NALF1: variants seen among roughly 807,000 people sequenced by gnomAD.
The protein encoded by NALF1 is family with sequence similarity 155 member A.
Under a neutral mutation model 48.4 loss-of-function variants are expected in NALF1, and 3 were observed. That is an observed-to-expected ratio of 0.06 (90% CI 0.03 to 0.16). The LOEUF is 0.16. Among genes scored for constraint, NALF1 ranks in the 10% least tolerant of loss-of-function variants. NALF1 has a pLI of 1.00. For synonymous variants in NALF1, 262 were observed against 245.7 expected (o/e 1.07, Z -0.62); for missense variants, 526 against 571.5 (o/e 0.92, Z 0.81).
intron 1 of NALF1, among the ~76,000 whole-genome samples, chr13:107,631,405 T>C (rs1188901736): frequency 3.9e-5 from 6 of 152,168 alleles, no homozygotes; most frequent in Admixed American, 1.3e-4. Flanking sequence ...TAATGAGTCA[T>C]ATATTTTAAA....
At chr13:107,640,347 T>C (rs1880117660) in intron 1 of NALF1, among the ~76,000 whole-genome samples, 1 of 152,188 alleles carries the variant, frequency 6.6e-6, no homozygotes, top group Non-Finnish European at 1.5e-5. Context: ...AGCAAATTTG[T>C]TAGCACTATA....
chr13:107,435,135 G>A (rs957541670), intron 1 of NALF1, among the ~76,000 whole-genome samples: 3 of 151,962 alleles, frequency 2.0e-5, no homozygotes, highest in Middle Eastern at 3.2e-3. Context: ...TTGTAATTTG[G>A]CCTCTATAAG....
Position 107,866,725 on chromosome 13 carries a change from CTCT to C in NALF1, c.-132_-130del, listed in dbSNP as rs1880744995. ...CTCCCGTTTCTTCTCTCTCCTCTCTCTCTTTCTCTCTCTTCCCCTCTCCCTCTC... is the reference window on the plus strand; with the variant it reads ...CTCCCGTTTCTTCTCTCTCCTCTCTCTTCTCTCTCTTCCCCTCTCCCTCTC... On this transcript the variant is annotated 5_prime_UTR_variant, in exon 1 of 3. Coordinates refer to ENST00000375915, the MANE Select transcript of NALF1 (RefSeq NM_001080396.3). The surrounding 1 kb of genome is among the most constrained non-coding windows in gnomAD (Gnocchi z 4.4). 5 of 603,830 alleles carry C rather than the reference CTCT, an allele frequency of 8.3e-6. No homozygotes were observed. Among genetic ancestry groups the C allele is most frequent in the Non-Finnish European group, 1.4e-5 (5 of 346,380 alleles). 37.4% of individuals were successfully genotyped at this position (603,830 alleles called of 1,614,324 possible). A position where few individuals can be genotyped will look rare whatever the true frequency, so the allele number is the denominator to read the frequency against.
chr13:107,311,493 T>C (rs1336577556), intron 1 of NALF1, among the ~76,000 whole-genome samples: 1 of 151,900 alleles, frequency 6.6e-6, no homozygotes, highest in East Asian at 1.9e-4. Context: ...AAGGCTGTTG[T>C]CCATTAGACA....
At chr13:107,448,010 A>G (rs562816315) in intron 1 of NALF1, among the ~76,000 whole-genome samples, 2 of 152,206 alleles carry the variant, frequency 1.3e-5, no homozygotes, top group African/African-American at 4.8e-5. Flanking sequence ...ATACAGGGCA[A>G]CTTTGACCCC....
chr13:107,513,733 A>T (rs1211836632), intron 1 of NALF1, among the ~76,000 whole-genome samples: 3 of 152,208 alleles, frequency 2.0e-5, no homozygotes, highest in African/African-American at 7.2e-5. Context: ...ACATGAAGGG[A>T]TGCAAAACCA....
At chr13:107,456,419 TA>T (rs1489063239) in intron 1 of NALF1, among the ~76,000 whole-genome samples, 1 of 152,228 alleles carries the variant, frequency 6.6e-6, no homozygotes, top group East Asian at 1.9e-4. Context: ...AAGTCATTGC[TA>T]GGGACCAGTA....
intron 1 of NALF1, among the ~76,000 whole-genome samples, chr13:107,416,482 A>C (rs970568976): frequency 2.6e-5 from 4 of 152,120 alleles, no homozygotes; most frequent in Admixed American, 2.6e-4. Context: ...AGGAGGATGA[A>C]GACCTCTATG....
intron 1 of NALF1, among the ~76,000 whole-genome samples, chr13:107,859,630 C>T (rs188972792): frequency 1.8e-4 from 28 of 152,132 alleles, no homozygotes; most frequent in Admixed American, 7.2e-4. Flanking sequence ...TAGGCGGGTG[C>T]GGTGGCTCAT....
chr13:107,857,814 T>C (rs1880474750), intron 1 of NALF1, among the ~76,000 whole-genome samples: 1 of 152,176 alleles, frequency 6.6e-6, no homozygotes, highest in Non-Finnish European at 1.5e-5. Flanking sequence ...ATACAGAAAA[T>C]TTATATGAGA....
At chr13:107,689,141 C>T (rs548644572) in intron 1 of NALF1, among the ~76,000 whole-genome samples, 2 of 152,102 alleles carry the variant, frequency 1.3e-5, no homozygotes, top group African/African-American at 4.8e-5. Context: ...TCACCCTGCC[C>T]GGAGTCACAG....
At chr13:107,498,832 A>AT (rs1006504630) in intron 1 of NALF1, among the ~76,000 whole-genome samples, 3 of 152,136 alleles carry the variant, frequency 2.0e-5, no homozygotes, top group African/African-American at 7.2e-5. Context: ...GCTGAAAGGG[A>AT]TTTTTTCAGG....
intron 1 of NALF1, among the ~76,000 whole-genome samples, chr13:107,250,228 C>T (rs931641801): frequency 2.0e-5 from 3 of 151,956 alleles, no homozygotes; most frequent in Admixed American, 2.0e-4. Context: ...CCAGAAACCA[C>T]ATTATCTGTT....
chr13:107,588,340 G>A, intron 1 of NALF1, among the ~76,000 whole-genome samples: 1 of 152,104 alleles, frequency 6.6e-6, no homozygotes, highest in South Asian at 2.1e-4. Flanking sequence ...GGGTATGTTG[G>A]AGAGTCTGGA....
At chr13:107,224,270 T>C (rs1157450182) in intron 1 of NALF1, among the ~76,000 whole-genome samples, 1 of 151,660 alleles carries the variant, frequency 6.6e-6, no homozygotes, top group East Asian at 1.9e-4. Flanking sequence ...AAAATCAAAT[T>C]AATAAAGCAC....
rs74319042 is a variant in NALF1, at chr13:107,785,842, G to A, written c.915+79840C>T. On this transcript the variant is annotated intron_variant, in intron 1 of 2. Coordinates refer to ENST00000375915, the MANE Select transcript of NALF1 (RefSeq NM_001080396.3). ...ATAATTTTCTGTAATCCTGGTGAAC[G>A]TGTTATCAATCAGGATCTTACAGGC... 9.3e-3 allele frequency among the ~76,000 whole-genome samples: 1,410 copies of A among 152,262 alleles called. 13 individuals carry two copies. The highest frequency in any genetic ancestry group is 0.015 in the Non-Finnish European group (1,051 of 68,024).
At chr13:107,564,459 G>A (rs1022100233) in intron 1 of NALF1, among the ~76,000 whole-genome samples, 8 of 152,100 alleles carry the variant, frequency 5.3e-5, no homozygotes, top group African/African-American at 1.2e-4. Context: ...CACGTAGGTC[G>A]TTTTAAGTGG....
chr13:107,384,324 A>G (rs1224210922), intron 1 of NALF1, among the ~76,000 whole-genome samples: 2 of 152,180 alleles, frequency 1.3e-5, no homozygotes, highest in East Asian at 1.9e-4. Context: ...TAGAACAAGT[A>G]CATCTAACCT....
At chr13:107,299,762 T>C (rs1285690102) in intron 1 of NALF1, among the ~76,000 whole-genome samples, 4 of 152,172 alleles carry the variant, frequency 2.6e-5, no homozygotes, top group Non-Finnish European at 4.4e-5. Flanking sequence ...ATTTTTGTTG[T>C]TGTTCCATGA....
Sources: allele counts gnomAD v4.1 joint callset (sites outside exome capture counted in the v4.1 genomes callset), GRCh38; gene constraint gnomAD v4.1.1; non-coding constraint Gnocchi (gnomAD v3.1); transcripts MANE v1.5; gene names NCBI Gene and HGNC (gene_info 2026-07-23, HGNC 2026-07-21).